VCL: variants seen among roughly 807,000 people sequenced by gnomAD.
The protein encoded by VCL is vinculin.
A neutral mutation model predicts 125.7 loss-of-function variants in VCL; 47 were observed. The observed-to-expected ratio is 0.37, with a 90% confidence interval of 0.30 to 0.48. The LOEUF (loss-of-function observed/expected upper bound fraction) is 0.48. VCL is among the 20% of genes least tolerant of loss of function. VCL has a pLI of 0.99. For missense variants in VCL, 1,069 were observed against 1,455.5 expected, an observed-to-expected ratio of 0.73 and a Z score of 4.32; for synonymous variants, 458 against 514.6, an observed-to-expected ratio of 0.89 and a Z score of 1.49.
intron 8 of VCL, among the ~76,000 whole-genome samples, chr10:74,088,793 G>T (rs947186016): frequency 6.6e-6 from 1 of 152,092 alleles, no homozygotes; most frequent in African/African-American, 2.4e-5. Context: ...ATGTATACTT[G>T]CCCATAAGAA....
intron 2 of VCL, among the ~76,000 whole-genome samples, chr10:74,050,339 A>G (rs147193184): frequency 3.3e-5 from 5 of 152,242 alleles, no homozygotes; most frequent in Non-Finnish European, 5.9e-5. Context: ...CTACTGCTAC[A>G]TGATTGCCAT....
chr10:74,037,772 A>T (rs964319302), intron 1 of VCL, among the ~76,000 whole-genome samples: 2 of 152,148 alleles, frequency 1.3e-5, no homozygotes, highest in African/African-American at 4.8e-5. Flanking sequence ...TTTCTAAAAG[A>T]CCACATAGGA....
chr10:74,094,706 C>T (rs575440228), intron 11 of VCL, among the ~76,000 whole-genome samples: 13 of 152,002 alleles, frequency 8.6e-5, no homozygotes, highest in African/African-American at 2.7e-4. Context: ...GGATCACTTG[C>T]GCCCAGGAGT....
chr10:74,026,025 T>C (rs1156386343), intron 1 of VCL, among the ~76,000 whole-genome samples: 8 of 152,218 alleles, frequency 5.3e-5, no homozygotes, highest in Non-Finnish European at 8.8e-5. Flanking sequence ...AAAGATTGGT[T>C]GGACCAGGTG....
At chr10:74,079,273 A>G (rs548023774) in intron 6 of VCL, among the ~76,000 whole-genome samples, 20 of 152,264 alleles carry the variant, frequency 1.3e-4, no homozygotes, top group African/African-American at 4.8e-4. Context: ...GCTGTCCCCA[A>G]AGCCACATGA....
intron 5 of VCL, 68 bp from the exon 6 acceptor site, chr10:74,074,675 C>T: frequency 6.4e-7 from 1 of 1,568,140 alleles, no homozygotes; most frequent in Non-Finnish European, 8.7e-7. Flanking sequence ...TGTAGAACAT[C>T]TTTTGTGAAT....
Position 74,103,828 on chromosome 10 carries a change from G to A in VCL, c.2031G>A (p.Ser677=). Residue 677 remains serine, a synonymous_variant, in exon 15 of 22, where the codon TCG becomes TCA. Coordinates refer to ENST00000211998, the MANE Select transcript of VCL (RefSeq NM_014000.3). ...TGTTTTGTCATTGTCAGGTGGTCTC[G>A]GCTGCTCGTATCTTACTTAGGAACC... ...TARELTPQVV[S]AARILLRNPG... 1 of 1,614,028 alleles carries A rather than the reference G, an allele frequency of 6.2e-7. No individual in the cohort carries two copies. The highest frequency in any genetic ancestry group is 8.5e-7 in the Non-Finnish European group (1 of 1,179,952).
intron 2 of VCL, among the ~76,000 whole-genome samples, chr10:74,063,483 TA>T (rs1841512041): frequency 6.6e-6 from 1 of 152,212 alleles, no homozygotes. Flanking sequence ...CCTTGGCTTG[TA>T]GCCCCACATT....
intron 6 of VCL, among the ~76,000 whole-genome samples, chr10:74,081,641 T>G (rs1236507949): frequency 6.6e-6 from 1 of 152,182 alleles, no homozygotes; most frequent in African/African-American, 2.4e-5. Context: ...TTAAAAAAAT[T>G]TACGGAAATA....
intron 1 of VCL, among the ~76,000 whole-genome samples, chr10:74,003,165 C>T (rs778661627): frequency 4.6e-5 from 7 of 151,668 alleles, no homozygotes; most frequent in South Asian, 2.1e-4. Context: ...TTCTGCCTCC[C>T]GGGTTCAAGT....
chr10:74,103,797 T>TA (rs771471065), intron 14 of VCL, 23 bp from the exon 15 acceptor site: 1 of 1,609,446 alleles, frequency 6.2e-7, no homozygotes, highest in Non-Finnish European at 8.5e-7. Flanking sequence ...CTCTGGTGTT[T>TA]AAAGGTGTTT....
intron 1 of VCL, among the ~76,000 whole-genome samples, chr10:74,024,404 G>T (rs1467457481): frequency 6.6e-6 from 1 of 152,002 alleles, no homozygotes; most frequent in Non-Finnish European, 1.5e-5. Context: ...TGAGGTCGGG[G>T]GTTCGAGACC....
chr10:74,074,822 A>G lies in VCL; in HGVS notation c.702A>G (p.Val234=), dbSNP rs1591689798. The part of the protein sequence containing the change: ...EEALKNRNFT[V]EKMSAEINEI... Reference sequence around the variant, plus strand: ...CTTTAAAAAATCGCAATTTTACTGTAGAAAAAATGAGTGCTGAAATTAATG... The same window carrying G: ...CTTTAAAAAATCGCAATTTTACTGTGGAAAAAATGAGTGCTGAAATTAATG... The change falls in exon 6 of 22, where the codon GTA becomes GTG. Residue 234 remains valine (V), a synonymous_variant. Transcript: ENST00000211998. 1 of 1,614,222 alleles carries G rather than the reference A, an allele frequency of 6.2e-7. No homozygotes were observed. Among genetic ancestry groups the G allele is most frequent in the Non-Finnish European group, 8.5e-7 (1 of 1,180,046 alleles).
intron 11 of VCL, 110 bp from the exon 12 acceptor site, chr10:74,095,546 A>G: frequency 7.2e-7 from 1 of 1,396,176 alleles, no homozygotes; most frequent in East Asian, 2.3e-5. Flanking sequence ...CTGTTGTTCC[A>G]CTGCACTCCA....
chr10:74,095,993 G>A, intron 12 of VCL, 138 bp downstream of exon 12: 2 of 1,106,266 alleles, frequency 1.8e-6, no homozygotes, highest in Non-Finnish European at 2.6e-6. Flanking sequence ...AAAGATATAA[G>A]GAAATCTAGA....
At chr10:74,000,665 G>A (rs1371642454) in intron 1 of VCL, among the ~76,000 whole-genome samples, 4 of 151,976 alleles carry the variant, frequency 2.6e-5, no homozygotes, top group Non-Finnish European at 4.4e-5. Flanking sequence ...TGCCCGCCTC[G>A]GCCTCCCAAA....
At chr10:74,039,336 A>G (rs1451754608) in intron 1 of VCL, among the ~76,000 whole-genome samples, 3 of 140,874 alleles carry the variant, frequency 2.1e-5, no homozygotes, top group Admixed American at 7.9e-5. Context: ...TCTTTTCTCC[A>G]TTTCTGTTTT....
chr10:74,073,133 G>A (rs879708928), intron 5 of VCL, among the ~76,000 whole-genome samples: 1 of 151,996 alleles, frequency 6.6e-6, no homozygotes, highest in African/African-American at 2.4e-5. Flanking sequence ...TAGAGACGGG[G>A]TTTCACCATG....
At chr10:74,106,766 C>T (rs928645799) in intron 16 of VCL, among the ~76,000 whole-genome samples, 8 of 152,136 alleles carry the variant, frequency 5.3e-5, no homozygotes, top group African/African-American at 7.2e-5. Context: ...AACAGAGTAG[C>T]GCAGCTCAGC....
Sources: gnomAD v4.1 joint callset for allele counts (sites outside exome capture counted in the v4.1 genomes callset) on GRCh38, gnomAD v4.1.1 for gene constraint, MANE v1.5 for transcripts, NCBI Gene and HGNC (gene_info 2026-07-23, HGNC 2026-07-21) for gene names.